Variants in NOS1AP observed in about 807,000 individuals in gnomAD.
NOS1AP encodes the protein nitric oxide synthase 1 adaptor protein.
NOS1AP carries 21 observed loss-of-function variants against 56.2 expected under a neutral mutation model. The ratio of observed to expected loss-of-function variants is 0.37; its 90% CI spans 0.26 to 0.54. The LOEUF (loss-of-function observed/expected upper bound fraction) is 0.54. Among genes scored for constraint, NOS1AP ranks in the 20% least tolerant of loss-of-function variants. The pLI is 0.84. For missense variants in NOS1AP, 522 were observed against 657.8 expected, an observed-to-expected ratio of 0.79 and a Z score of 2.26; for synonymous variants, 270 against 274.6, an observed-to-expected ratio of 0.98 and a Z score of 0.17.
chr1:162,282,842 T>A (rs1654972718), intron 2 of NOS1AP, among the ~76,000 whole-genome samples: 1 of 152,242 alleles, frequency 6.6e-6, no homozygotes, highest in Admixed American at 6.5e-5. Flanking sequence ...GCAAACTGAA[T>A]CCTCTCCCCT....
At chr1:162,303,904 C>CTTTTTTTTTTTTTTTTT in intron 4 of NOS1AP, among the ~76,000 whole-genome samples, 1 of 110,724 alleles carries the variant, frequency 9.0e-6, no homozygotes, top group Non-Finnish European at 1.8e-5. Flanking sequence ...TCTGGCTTGT[C>CTTTTTTTTTTTTTTTTT]TTTTTTTTTT....
chr1:162,072,678 A>T (rs935506727), intron 1 of NOS1AP, among the ~76,000 whole-genome samples: 1 of 152,182 alleles, frequency 6.6e-6, no homozygotes. Context: ...TTTGTAATTG[A>T]TGCTGCACCC....
At chr1:162,173,786 T>C (rs1386439694) in intron 2 of NOS1AP, among the ~76,000 whole-genome samples, 1 of 152,220 alleles carries the variant, frequency 6.6e-6, no homozygotes, top group African/African-American at 2.4e-5. Context: ...AAAGAAGACA[T>C]TTATGCAGCC....
At chr1:162,187,366 G>A (rs1240369631) in intron 2 of NOS1AP, among the ~76,000 whole-genome samples, 1 of 152,120 alleles carries the variant, frequency 6.6e-6, no homozygotes, top group Non-Finnish European at 1.5e-5. Flanking sequence ...TTTAATGGCT[G>A]AGTATAGTTA....
chr1:162,324,211 C>T (rs1355269134), intron 4 of NOS1AP, among the ~76,000 whole-genome samples: 1 of 152,060 alleles, frequency 6.6e-6, no homozygotes, highest in African/African-American at 2.4e-5. Flanking sequence ...TTAAGCCCCC[C>T]AAATGTGAAC....
intron 4 of NOS1AP, among the ~76,000 whole-genome samples, chr1:162,304,861 G>T (rs1226835482): frequency 6.6e-6 from 1 of 150,864 alleles, no homozygotes; most frequent in Non-Finnish European, 1.5e-5. Context: ...CATGAACAAG[G>T]TTATTTATTA....
At chr1:162,296,444 G>A (rs1655465844) in intron 3 of NOS1AP, among the ~76,000 whole-genome samples, 1 of 152,200 alleles carries the variant, frequency 6.6e-6, no homozygotes, top group African/African-American at 2.4e-5. Flanking sequence ...GGTCTGTAAA[G>A]TGACAGGACT....
intron 4 of NOS1AP, among the ~76,000 whole-genome samples, chr1:162,305,522 T>G (rs1024794032): frequency 1.3e-5 from 2 of 152,172 alleles, no homozygotes; most frequent in African/African-American, 4.8e-5. Flanking sequence ...TCCTAGCTCT[T>G]ATCTCTGGAG....
intron 1 of NOS1AP, among the ~76,000 whole-genome samples, chr1:162,119,833 G>A (rs189088042): frequency 2.3e-3 from 343 of 152,270 alleles, no homozygotes; most frequent in Admixed American, 4.4e-3. Context: ...TTGGAATTGC[G>A]TAGAATCGTC....
chr1:162,233,848 C>A (rs533207543), intron 2 of NOS1AP, among the ~76,000 whole-genome samples: 105 of 152,332 alleles, frequency 6.9e-4, no homozygotes, highest in African/African-American at 2.5e-3. Context: ...TTAACCTCTT[C>A]TCCATGCTCC....
At position 162,229,475 on chromosome 1, in the gene NOS1AP, T is replaced by C. The variant is rs548862648; in HGVS notation, c.178-57869T>C. 1.1e-4 allele frequency among the ~76,000 whole-genome samples: 17 copies of C among 152,362 alleles called. 1 individual carries two copies. Among genetic ancestry groups the C allele is most frequent in the African/African-American group, 4.1e-4 (17 of 41,588 alleles). On this transcript the variant is annotated intron_variant, in intron 2 of 9. Transcript: ENST00000361897. ...TAATTATTTGCTTATTTTATATTTT[T>C]AAATATTACATTATAGTGAATTGTA...
At chr1:162,078,507 C>T (rs915799236) in intron 1 of NOS1AP, among the ~76,000 whole-genome samples, 5 of 152,106 alleles carry the variant, frequency 3.3e-5, no homozygotes, top group Admixed American at 3.3e-4. Flanking sequence ...GACATCCATC[C>T]ACCCACCCTG....
chr1:162,143,851 T>C (rs1649339797), intron 1 of NOS1AP, among the ~76,000 whole-genome samples: 1 of 152,168 alleles, frequency 6.6e-6, no homozygotes, highest in Non-Finnish European at 1.5e-5. Context: ...CTTGGTGAGT[T>C]TAAGTACTTA....
At chr1:162,100,396 T>G (rs1229631191) in intron 1 of NOS1AP, among the ~76,000 whole-genome samples, 2 of 152,216 alleles carry the variant, frequency 1.3e-5, no homozygotes. Context: ...ATGATGAGCA[T>G]TTTTTCATGC....
chr1:162,252,699 T>A (rs1463281155), intron 2 of NOS1AP, among the ~76,000 whole-genome samples: 1 of 152,212 alleles, frequency 6.6e-6, no homozygotes, highest in Non-Finnish European at 1.5e-5. Context: ...GTTTCACATA[T>A]GTGCATGGAC....
intron 1 of NOS1AP, among the ~76,000 whole-genome samples, chr1:162,142,490 C>T (rs1553258793): frequency 6.6e-6 from 1 of 151,672 alleles, no homozygotes; most frequent in Non-Finnish European, 1.5e-5. Flanking sequence ...TTTTTTTTGT[C>T]TGTTGAGATG....
At chr1:162,328,505 C>G (rs1244064340) in intron 4 of NOS1AP, among the ~76,000 whole-genome samples, 1 of 152,310 alleles carries the variant, frequency 6.6e-6, no homozygotes, top group Non-Finnish European at 1.5e-5. Context: ...GTAATTAGAG[C>G]AGTTCACATT....
At chr1:162,293,255 A>G (rs1464895328) in intron 3 of NOS1AP, among the ~76,000 whole-genome samples, 1 of 147,938 alleles carries the variant, frequency 6.8e-6, no homozygotes, top group Non-Finnish European at 1.5e-5. Context: ...CGCTGCTATT[A>G]GGTGCTTGAA....
At chr1:162,278,920 T>G (rs1654831302) in intron 2 of NOS1AP, among the ~76,000 whole-genome samples, 1 of 152,206 alleles carries the variant, frequency 6.6e-6, no homozygotes, top group African/African-American at 2.4e-5. Context: ...TTGTTTAATG[T>G]CTCTAGTCTT....
Sources: allele counts gnomAD v4.1 joint callset (sites outside exome capture counted in the v4.1 genomes callset), GRCh38; gene constraint gnomAD v4.1.1; transcripts MANE v1.5; gene names NCBI Gene and HGNC (gene_info 2026-07-23, HGNC 2026-07-21).